Variants in SLCO3A1 observed in about 807,000 individuals in gnomAD.
SLCO3A1 encodes PGE1 transporter.
In SLCO3A1, 27 loss-of-function variants were observed where a neutral mutation model predicts 63.1. That is an observed-to-expected ratio of 0.43 (90% CI 0.32 to 0.59). SLCO3A1 has a LOEUF of 0.59. Among genes scored for constraint, SLCO3A1 ranks in the 20% least tolerant of loss-of-function variants. The pLI, the probability that SLCO3A1 is intolerant of heterozygous loss-of-function variation, is 0.09. For missense variants in SLCO3A1, 773 were observed against 945.8 expected, an observed-to-expected ratio of 0.82 and a Z score of 2.40; for synonymous variants, 473 against 409.9, an observed-to-expected ratio of 1.15 and a Z score of -1.86.
intron 2 of SLCO3A1, among the ~76,000 whole-genome samples, chr15:92,060,201 A>C (rs1567096127): frequency 6.6e-6 from 1 of 152,108 alleles, no homozygotes; most frequent in Non-Finnish European, 1.5e-5. Context: ...CTAGGACAGT[A>C]TTGTACACTC....
chr15:92,065,465 T>G (rs1002264386), intron 2 of SLCO3A1, among the ~76,000 whole-genome samples: 9 of 152,086 alleles, frequency 5.9e-5, no homozygotes, highest in Admixed American at 2.6e-4. Context: ...TGTACAACTA[T>G]TAGGTATTCA....
At chr15:92,156,164 A>G (rs892371073) in intron 9 of SLCO3A1, among the ~76,000 whole-genome samples, 1 of 152,222 alleles carries the variant, frequency 6.6e-6, no homozygotes, top group African/African-American at 2.4e-5. Flanking sequence ...GCAAGTGGAA[A>G]AATGAACGTG....
At chr15:92,130,885 CAAAAAAAAAAAAA>C (rs993611856) in intron 7 of SLCO3A1, among the ~76,000 whole-genome samples, 2 of 21,802 alleles carry the variant, frequency 9.2e-5, no homozygotes, top group Non-Finnish European at 1.5e-4. Context: ...AAGTTCGGGG[CAAAAAAAAAAAAA>C]AAAAAAAAAA....
intron 2 of SLCO3A1, among the ~76,000 whole-genome samples, chr15:91,990,327 C>T (rs961547056): frequency 6.6e-6 from 1 of 152,156 alleles, no homozygotes; most frequent in African/African-American, 2.4e-5. Context: ...AGAGGAGCAC[C>T]AGGGCCACTG....
rs1489892507 is a variant in SLCO3A1, at chr15:91,897,858, G to A, written c.181-18135G>A. On this transcript the variant is annotated intron_variant, in intron 1 of 9. Transcript: ENST00000318445. This position sits in a 1 kb window ranked among gnomAD's most constrained non-coding sequence, Gnocchi z 4.7. ...GACATGTGAGCATGAGGATGGGTGCGGGAGGCGAAAGGCAGCTGAAACTGC... is the reference window on the plus strand; with the variant it reads ...GACATGTGAGCATGAGGATGGGTGCAGGAGGCGAAAGGCAGCTGAAACTGC... 2.0e-5 allele frequency among the ~76,000 whole-genome samples: 3 copies of A among 152,168 alleles called. No homozygotes were observed. The highest frequency in any genetic ancestry group is 4.8e-5 in the African/African-American group (2 of 41,440).
Position 91,866,575 on chromosome 15 carries a change from T to TA in SLCO3A1, c.180+12503dup, listed in dbSNP as rs1191215854. On this transcript the variant is annotated intron_variant, in intron 1 of 9. Coordinates refer to ENST00000318445, the MANE Select transcript of SLCO3A1 (RefSeq NM_013272.4). The stretch of plus-strand genomic sequence containing the variant: ...ATTTCTCTGCACAGGCTCCTTTTTT[T>TA]AAAAAAAAAAAAAAAAGAAAAAAAA... 2.7e-3 allele frequency among the ~76,000 whole-genome samples: 374 copies of TA among 139,892 alleles called. 2 individuals carry two copies. The highest frequency in any genetic ancestry group is 3.7e-3 in the Middle Eastern group (1 of 272). The allele number at this position is 139,892 out of a possible 152,430, so 91.8% of individuals were successfully genotyped here. A position where few individuals can be genotyped will look rare whatever the true frequency, so the allele number is the denominator to read the frequency against.
intron 2 of SLCO3A1, among the ~76,000 whole-genome samples, chr15:91,919,561 C>A (rs1329170170): frequency 1.3e-5 from 2 of 152,358 alleles, no homozygotes; most frequent in East Asian, 3.9e-4. Flanking sequence ...CCACTGGGCC[C>A]CTACTGAGGT....
chr15:92,075,155 A>T (rs540585515), intron 2 of SLCO3A1, among the ~76,000 whole-genome samples: 225 of 152,240 alleles, frequency 1.5e-3, no homozygotes, highest in African/African-American at 4.3e-3. Context: ...CTGCTATCTT[A>T]TGACTGCATC....
downstream of SLCO3A1, chr15:92,165,922 T>C (rs1028499019): frequency 3.0e-6 from 3 of 984,386 alleles, no homozygotes; most frequent in African/African-American, 1.7e-5. Context: ...TTCTCTCTCT[T>C]CTGCTACAAA....
At chr15:91,869,058 C>T (rs981611603) in intron 1 of SLCO3A1, among the ~76,000 whole-genome samples, 3 of 151,982 alleles carry the variant, frequency 2.0e-5, no homozygotes, top group African/African-American at 7.3e-5. Flanking sequence ...GAGAAGTGAC[C>T]GTTAACCGCA....
intron 7 of SLCO3A1, among the ~76,000 whole-genome samples, chr15:92,146,199 G>C (rs1488056453): frequency 6.6e-6 from 1 of 152,190 alleles, no homozygotes; most frequent in Non-Finnish European, 1.5e-5. Flanking sequence ...GCCTCTCCCA[G>C]CCCCTGCTCC....
At chr15:91,855,184 C>T (rs1896882999) in intron 1 of SLCO3A1, among the ~76,000 whole-genome samples, 2 of 152,128 alleles carry the variant, frequency 1.3e-5, no homozygotes, top group African/African-American at 4.8e-5. Flanking sequence ...AGAGATAGAA[C>T]CACGCGTATC....
chr15:92,141,158 G>T (rs1263142991), intron 7 of SLCO3A1, among the ~76,000 whole-genome samples: 2 of 152,138 alleles, frequency 1.3e-5, no homozygotes, highest in Admixed American at 6.5e-5. Context: ...CACCCCCCAA[G>T]TTTGGATGCC....
intron 2 of SLCO3A1, among the ~76,000 whole-genome samples, chr15:92,074,093 C>A (rs1192743040): frequency 6.6e-6 from 1 of 152,206 alleles, no homozygotes; most frequent in Non-Finnish European, 1.5e-5. Context: ...ATTGCTTGAA[C>A]CGAGGAGGCA....
At chr15:91,928,883 A>G (rs930944668) in intron 2 of SLCO3A1, among the ~76,000 whole-genome samples, 8 of 152,326 alleles carry the variant, frequency 5.3e-5, no homozygotes, top group South Asian at 2.1e-4. Flanking sequence ...TTTAATTGGT[A>G]TACATTCACT....
intron 2 of SLCO3A1, among the ~76,000 whole-genome samples, chr15:92,086,021 G>T (rs1033181426): frequency 6.6e-6 from 1 of 152,146 alleles, no homozygotes; most frequent in Non-Finnish European, 1.5e-5. Flanking sequence ...ATGTTTTTCT[G>T]TTCTACCATG....
At chr15:92,043,621 T>G (rs1418131162) in intron 2 of SLCO3A1, among the ~76,000 whole-genome samples, 2 of 152,250 alleles carry the variant, frequency 1.3e-5, no homozygotes. Context: ...TAGACAAGTT[T>G]TATTTCATTT....
intron 2 of SLCO3A1, among the ~76,000 whole-genome samples, chr15:92,055,534 TC>T (rs1217781489): frequency 6.6e-6 from 1 of 152,214 alleles, no homozygotes; most frequent in Non-Finnish European, 1.5e-5. Flanking sequence ...GAACTTCCTT[TC>T]CTTATTCATT....
intron 7 of SLCO3A1, among the ~76,000 whole-genome samples, chr15:92,140,046 T>C (rs1206661995): frequency 8.3e-6 from 1 of 119,806 alleles, no homozygotes; most frequent in African/African-American, 3.9e-5. Flanking sequence ...CTCTTGCTTT[T>C]CTGGTTCTTT....
Sources: allele counts gnomAD v4.1 joint callset (sites outside exome capture counted in the v4.1 genomes callset), GRCh38; gene constraint gnomAD v4.1.1; non-coding constraint Gnocchi (gnomAD v3.1); transcripts MANE v1.5; gene names NCBI Gene and HGNC (gene_info 2026-07-23, HGNC 2026-07-21).